Variants in ZNF77 observed in about 807,000 individuals in gnomAD.
The protein encoded by ZNF77 is zinc finger protein 77.
A neutral mutation model predicts 13.5 loss-of-function variants in ZNF77; 15 were observed. The observed-to-expected ratio is 1.11, with a 90% CI of 0.74 to 1.71. The LOEUF is 1.71. Among genes scored for constraint, ZNF77 ranks in the 40% most tolerant of loss-of-function variants. The pLI, the probability that ZNF77 is intolerant of heterozygous loss-of-function variation, is 0.00. For missense variants in ZNF77, 717 were observed against 676.4 expected, an observed-to-expected ratio of 1.06 and a Z score of -0.67; for synonymous variants, 282 against 250.0, an observed-to-expected ratio of 1.13 and a Z score of -1.21.
intron 1 of ZNF77, among the ~76,000 whole-genome samples, chr19:2,941,731 A>G (rs1463682240): frequency 6.6e-6 from 1 of 152,164 alleles, no homozygotes; most frequent in Non-Finnish European, 1.5e-5. Context: ...TGTGGGTCGT[A>G]TATTACAGAA....
At position 2,933,728 on chromosome 19, in the gene ZNF77, T is replaced by A. The variant is rs1371228067; in HGVS notation, c.1399A>T (p.Asn467Tyr). Residue 467 changes from asparagine (N) to tyrosine (Y), a missense_variant, in exon 4 of 4, where the codon AAT becomes TAT. Coordinates refer to ENST00000314531, the MANE Select transcript of ZNF77 (RefSeq NM_021217.3). Reference protein sequence around the residue: ...THSGEKPYECNQCGKAFSHAQ... With the variant: ...THSGEKPYECYQCGKAFSHAQ... The stretch of plus-strand genomic sequence containing the variant: ...TGGCTGAAGGCTTTCCCACATTGAT[T>A]ACATTCGTACGGTTTCTCTCCGCTG... 6.2e-7 allele frequency: 1 copy of A among 1,612,014 alleles called. No individual in the cohort carries two copies.
rs775320981 is a variant in ZNF77 at position 2,939,419 on chromosome 19, C to A, written c.4-12G>T. On this transcript the variant is annotated splice_polypyrimidine_tract_variant and intron_variant, in intron 1 of 3. Coordinates refer to ENST00000314531, the MANE Select transcript of ZNF77 (RefSeq NM_021217.3). ...AAGATCACGCAGTCCTAAAACATTC[C>A]ACACATCCCACTTCAGCAAAGGCAC... The A allele has an allele frequency of 1.2e-6, 2 of 1,613,402 alleles. No homozygotes were observed. The highest frequency in any genetic ancestry group is 3.3e-4 in the Middle Eastern group (2 of 6,060).
At position 2,943,457 on chromosome 19, in the gene ZNF77, G is replaced by GC. The variant is rs910070659; in HGVS notation, c.3+1380dup. Among the ~76,000 whole-genome samples, 15 of 151,616 alleles carry GC rather than the reference G, an allele frequency of 9.9e-5. No individual in the cohort carries two copies. In the East Asian group the frequency reaches 1.9e-3, roughly 20 times the overall value. ...CCTCTCCGCAGGCCCCTGAACTTTG[G>GC]CCCCCCCGAGTCTGAGCAAGCAGTA... is the stretch of plus-strand genomic sequence containing the variant. On this transcript the variant is annotated intron_variant, in intron 1 of 3. Transcript: ENST00000314531.
rs774593457 is a variant in ZNF77, at chr19:2,934,473, T to C, written c.654A>G (p.Gly218=). The change falls in exon 4 of 4, where the codon GGA becomes GGG. Residue 218 remains glycine, a synonymous_variant. Coordinates refer to ENST00000314531, the MANE Select transcript of ZNF77 (RefSeq NM_021217.3). ...SKKSYECQKC[G]KAFICPSSFR... ...AAGATGAGGGACAAATGAAAGCTTT[T>C]CCACATTTCTGACATTCATAAGACT... is the stretch of plus-strand genomic sequence containing the variant. 1.5e-5 allele frequency: 24 copies of C among 1,614,220 alleles called. No individual in the cohort carries two copies. The highest frequency in any genetic ancestry group is 2.0e-5 in the Non-Finnish European group (24 of 1,180,034).
At chr19:2,934,927 T>C in intron 3 of ZNF77, 112 bp from the exon 4 acceptor site, 1 of 1,387,802 alleles carries the variant, frequency 7.2e-7, no homozygotes. Context: ...CACTGAATGG[T>C]TCTATTTTCA....
chr19:2,939,658 G>A, intron 1 of ZNF77: 1 of 473,256 alleles, frequency 2.1e-6, no homozygotes, highest in Non-Finnish European at 3.8e-6. Context: ...TATGAGGGTG[G>A]GGAAACACTG....
chr19:2,935,431 C>G (rs2088387866), intron 3 of ZNF77, among the ~76,000 whole-genome samples: 1 of 151,680 alleles, frequency 6.6e-6, no homozygotes, highest in African/African-American at 2.4e-5. Context: ...GATACTCCTG[C>G]CTCAGCCTCC....
chr19:2,944,129 C>T (rs1365879664), intron 1 of ZNF77, among the ~76,000 whole-genome samples: 1 of 151,506 alleles, frequency 6.6e-6, no homozygotes, highest in Non-Finnish European at 1.5e-5. Context: ...CTCCCCGATC[C>T]CCTGACTGCC....
intron 2 of ZNF77, among the ~76,000 whole-genome samples, chr19:2,938,711 C>T (rs529123789): frequency 9.2e-5 from 14 of 152,320 alleles, no homozygotes; most frequent in Admixed American, 9.2e-4. Flanking sequence ...AATCCCAGCA[C>T]TTTGGGAGGC....
At chr19:2,936,024 A>G (rs2144960970) in intron 3 of ZNF77, among the ~76,000 whole-genome samples, 1 of 151,886 alleles carries the variant, frequency 6.6e-6, no homozygotes, top group South Asian at 2.1e-4. Context: ...TCTCAAAAAT[A>G]AATAAATAAA....
chr19:2,933,604 CGAA>C lies in ZNF77; in HGVS notation c.1520_1522del (p.Leu507del), dbSNP rs565530193. On this transcript the variant is annotated inframe_deletion, in exon 4 of 4. Transcript: ENST00000314531. ...TCCAGTGTGCGTTCTCACGTGCACA[CGAA>C]GGGACGAGGAACAACTGTAGGCTTT... is the stretch of plus-strand genomic sequence containing the variant. The C allele has an allele frequency of 2.8e-3, 4,512 of 1,614,074 alleles. 18 individuals are homozygous for C. Among genetic ancestry groups the C allele is most frequent in the Middle Eastern group, 6.4e-3 (39 of 6,062 alleles).
intron 1 of ZNF77, among the ~76,000 whole-genome samples, chr19:2,941,936 G>A (rs1020116934): frequency 1.3e-5 from 2 of 152,064 alleles, no homozygotes; most frequent in African/African-American, 2.4e-5. Context: ...AACGTCTTCC[G>A]AGTTTGAGAG....
intron 3 of ZNF77, among the ~76,000 whole-genome samples, chr19:2,935,493 C>T (rs1305013052): frequency 7.6e-5 from 6 of 78,632 alleles, no homozygotes; most frequent in Admixed American, 3.5e-4. Flanking sequence ...AATTCTTTTT[C>T]GTATTTTTTT....
intron 1 of ZNF77, among the ~76,000 whole-genome samples, chr19:2,942,764 A>G (rs2088461697): frequency 6.6e-6 from 1 of 151,790 alleles, no homozygotes; most frequent in South Asian, 2.1e-4. Context: ...GGCCAGATTC[A>G]GACCCTCCGA....
At chr19:2,940,796 C>T (rs1479424009) in intron 1 of ZNF77, among the ~76,000 whole-genome samples, 8 of 151,884 alleles carry the variant, frequency 5.3e-5, no homozygotes, top group South Asian at 2.1e-4. Context: ...GCCTGGCTGT[C>T]GTTACACACT....
Position 2,934,082 on chromosome 19 carries a change from C to G in ZNF77, c.1045G>C (p.Glu349Gln), listed in dbSNP as rs368804533. 11 of 1,614,166 alleles carry G rather than the reference C, an allele frequency of 6.8e-6. No homozygotes were observed. The highest frequency in any genetic ancestry group is 9.3e-6 in the Non-Finnish European group (11 of 1,180,036). ...LREHGRTHSG[E>Q]KPYECKECGK... ...CATTCCTTACATTCATAGGGTTTCT[C>G]TCCACTGTGCGTTCTCCCATGTTCT... The change falls in exon 4 of 4, where the codon GAG becomes CAG. Residue 349 changes from glutamate (E) to glutamine (Q), a missense_variant. Glu to Gln is a conservative substitution (Grantham distance 29). Coordinates refer to ENST00000314531, the MANE Select transcript of ZNF77 (RefSeq NM_021217.3).
At chr19:2,943,071 C>T (rs577710555) in intron 1 of ZNF77, among the ~76,000 whole-genome samples, 2 of 152,194 alleles carry the variant, frequency 1.3e-5, no homozygotes, top group African/African-American at 4.8e-5. Context: ...CATGAGCCAC[C>T]GCGCCAGGCC....
Position 2,934,174 on chromosome 19 carries a change from T to A in ZNF77, c.953A>T (p.His318Leu). Residue 318 changes from histidine (H) to leucine (L), a missense_variant, in exon 4 of 4, where the codon CAC (histidine) becomes CTC (leucine). Physicochemically the swap from His to Leu is moderately conservative, Grantham distance 99. Transcript: ENST00000314531. Reference sequence around the variant, plus strand: ...ACACTGACAGGGTTTCTCTCCAGTGTGCGTCCTCACGTGATCTCTAAAGGA... The same window carrying A: ...ACACTGACAGGGTTTCTCTCCAGTGAGCGTCCTCACGTGATCTCTAAAGGA... Reference protein sequence around the residue: ...YSSFRDHVRTHTGEKPCQCKH... With the variant: ...YSSFRDHVRTLTGEKPCQCKH... 1 of 1,614,232 alleles carries A rather than the reference T, an allele frequency of 6.2e-7. No homozygotes were observed. The highest frequency in any genetic ancestry group is 8.5e-7 in the Non-Finnish European group (1 of 1,180,024).
chr19:2,936,833 C>A, intron 2 of ZNF77, 129 bp from the exon 3 acceptor site: 3 of 834,802 alleles, frequency 3.6e-6, no homozygotes, highest in Non-Finnish European at 5.4e-6. Context: ...GACATGCTAT[C>A]AAAGTGAGAC....
Sources: allele counts gnomAD v4.1 joint callset (sites outside exome capture counted in the v4.1 genomes callset), GRCh38; gene constraint gnomAD v4.1.1; transcripts MANE v1.5; gene names NCBI Gene and HGNC (gene_info 2026-07-23, HGNC 2026-07-21).